The following GDPD4 variants were observed in gnomAD, a reference collection of about 807,000 sequenced individuals.
The protein encoded by GDPD4 is glycerophosphodiester phosphodiesterase 6.
Under a neutral mutation model 67.8 loss-of-function variants are expected in GDPD4, and 60 were observed. That is an observed-to-expected ratio of 0.88 (90% CI 0.72 to 1.10). GDPD4 has a LOEUF of 1.10. Ranked by LOEUF, GDPD4 falls within the 50% of genes least tolerant of loss-of-function variation. The pLI is 0.00. For synonymous variants in GDPD4, 212 were observed against 210.9 expected, an observed-to-expected ratio of 1.00 and a Z score of -0.04; for missense variants, 623 against 613.9, an observed-to-expected ratio of 1.01 and a Z score of -0.16.
intron 16 of GDPD4, among the ~76,000 whole-genome samples, chr11:77,219,345 C>A (rs566502719): frequency 6.6e-6 from 1 of 152,140 alleles, no homozygotes; most frequent in African/African-American, 2.4e-5. Flanking sequence ...CTGTTCACTC[C>A]GATGGCAGTT....
intron 9 of GDPD4, 109 bp from the exon 10 acceptor site, chr11:77,268,648 C>T (rs1959190490): frequency 6.8e-6 from 6 of 879,576 alleles, no homozygotes; most frequent in East Asian, 2.4e-5. Flanking sequence ...GAGCTTGGCT[C>T]CCTGAGATCT....
chr11:77,257,023 G>A (rs754357791), intron 11 of GDPD4, among the ~76,000 whole-genome samples: 28 of 152,172 alleles, frequency 1.8e-4, no homozygotes, highest in African/African-American at 4.6e-4. Context: ...ATGATCAAAC[G>A]GCCCTCAGGA....
rs189933223 is a variant in GDPD4 at position 77,298,726 on chromosome 11, T to A, written c.-254+2879A>T. 6.4e-4 allele frequency among the ~76,000 whole-genome samples: 97 copies of A among 152,214 alleles called. No individual in the cohort carries two copies. The East Asian group carries it at 0.018, about 29-fold the overall frequency. On this transcript the variant is annotated intron_variant, in intron 1 of 16. Coordinates refer to ENST00000315938, the MANE Select transcript of GDPD4 (RefSeq NM_182833.3). The stretch of plus-strand genomic sequence containing the variant: ...AGGGTCTGGAAGAAAAAGATCTAGC[T>A]ATGTTAACAGAGATTCTTTACAGAT...
At chr11:77,296,952 G>A (rs1937989050) in intron 1 of GDPD4, among the ~76,000 whole-genome samples, 2 of 151,270 alleles carry the variant, frequency 1.3e-5, no homozygotes. Flanking sequence ...TATTCGGGAG[G>A]CTGAGGCAGA....
chr11:77,245,338 G>A lies in GDPD4; in HGVS notation c.1029C>T (p.His343=). ...CGCTTACTACTTGGCGGACAAATGT[G>A]TGTCTGAGAGGATGTTTTGGTGGAG... ...HRPPPKHPLR[H]TFVRQVVSVI... Residue 343 remains histidine (H), a synonymous_variant, in exon 12 of 17, where the codon CAC becomes CAT. Transcript: ENST00000315938. The A allele has an allele frequency of 6.2e-7, 1 of 1,614,168 alleles. No homozygotes were observed. The highest frequency in any genetic ancestry group is 1.3e-5 in the African/African-American group (1 of 75,034).
rs910867191 is a variant in GDPD4, at chr11:77,300,493, G to A, written c.-254+1112C>T. ...TCACCTAGTCTCTAAGGGAGAAATG[G>A]ACAAATGCATAATCATGGTAGGAGA... On this transcript the variant is annotated intron_variant, in intron 1 of 16. Transcript: ENST00000315938. 7.9e-5 allele frequency among the ~76,000 whole-genome samples: 12 copies of A among 151,746 alleles called. No homozygotes were observed. The South Asian group carries it at 1.0e-3, about 13-fold the overall frequency.
chr11:77,230,923 T>C (rs1215714589), intron 14 of GDPD4, among the ~76,000 whole-genome samples: 1 of 152,164 alleles, frequency 6.6e-6, no homozygotes. Context: ...TGGGGCTTGC[T>C]CTCTCTTGCT....
At chr11:77,231,520 C>G (rs1277991292) in intron 14 of GDPD4, among the ~76,000 whole-genome samples, 1 of 152,100 alleles carries the variant, frequency 6.6e-6, no homozygotes, top group African/African-American at 2.4e-5. Flanking sequence ...GCATTGGGTC[C>G]TTTAAAAATG....
rs561728045 is a variant in GDPD4, at chr11:77,272,239, A to G, written c.208-846T>C. ...CTTTCAGAGAATAGAAAAAGAGAGA[A>G]TACTTTATAACATCTTAAGAGTGCA... On this transcript the variant is annotated intron_variant, in intron 5 of 16. Coordinates refer to ENST00000315938, the MANE Select transcript of GDPD4 (RefSeq NM_182833.3). 1.3e-4 allele frequency among the ~76,000 whole-genome samples: 20 copies of G among 152,376 alleles called. No homozygotes were observed. The East Asian group carries it at 1.7e-3, about 13-fold the overall frequency.
At chr11:77,232,899 A>G in intron 14 of GDPD4, 126 bp downstream of exon 14, 1 of 730,746 alleles carries the variant, frequency 1.4e-6, no homozygotes, top group Non-Finnish European at 2.2e-6. Flanking sequence ...CCACATCTCC[A>G]ATATTCATAG....
At chr11:77,234,832 G>C (rs1298228527) in intron 13 of GDPD4, among the ~76,000 whole-genome samples, 1 of 152,004 alleles carries the variant, frequency 6.6e-6, no homozygotes, top group Non-Finnish European at 1.5e-5. Context: ...CTTTTTAGTA[G>C]AACAATTTAT....
chr11:77,249,509 A>G (rs1238503618), intron 11 of GDPD4, among the ~76,000 whole-genome samples: 1 of 152,212 alleles, frequency 6.6e-6, no homozygotes, highest in African/African-American at 2.4e-5. Flanking sequence ...AGTTGAACAG[A>G]ATGAAAAATC....
chr11:77,267,428 C>A (rs1186495457), intron 10 of GDPD4, among the ~76,000 whole-genome samples: 3 of 152,206 alleles, frequency 2.0e-5, no homozygotes, highest in Non-Finnish European at 4.4e-5. Context: ...TATGTTTCCA[C>A]CAGGAACATA....
At chr11:77,279,148 T>A (rs1209443653) in intron 4 of GDPD4, among the ~76,000 whole-genome samples, 158 bp downstream of exon 4, 1 of 152,190 alleles carries the variant, frequency 6.6e-6, no homozygotes, top group Non-Finnish European at 1.5e-5. Context: ...TCCTTGTGCC[T>A]AAAATTCAAC....
intron 16 of GDPD4, among the ~76,000 whole-genome samples, chr11:77,226,666 T>G (rs1009871006): frequency 1.3e-5 from 2 of 150,636 alleles, no homozygotes; most frequent in South Asian, 4.1e-4. Context: ...ACTACTGATA[T>G]AATCATAAAC....
At chr11:77,247,039 CT>C (rs1958795895) in intron 11 of GDPD4, among the ~76,000 whole-genome samples, 6 of 152,094 alleles carry the variant, frequency 3.9e-5, no homozygotes, top group Admixed American at 3.9e-4. Flanking sequence ...TCTTTCATAC[CT>C]CTCCTATTTC....
intron 14 of GDPD4, among the ~76,000 whole-genome samples, chr11:77,229,799 A>G (rs912836217): frequency 6.6e-6 from 1 of 152,170 alleles, no homozygotes; most frequent in East Asian, 1.9e-4. Context: ...CTGAAGTACA[A>G]TTACCCCTTA....
chr11:77,254,567 G>A (rs1219648774), intron 11 of GDPD4, among the ~76,000 whole-genome samples: 1 of 152,132 alleles, frequency 6.6e-6, no homozygotes, highest in Non-Finnish European at 1.5e-5. Context: ...CATCCTGCCT[G>A]TTCCTTCATT....
intron 16 of GDPD4, among the ~76,000 whole-genome samples, chr11:77,226,425 C>T (rs141470198): frequency 1.1e-3 from 160 of 151,954 alleles, no homozygotes; most frequent in Admixed American, 3.3e-3. Context: ...AAGAGAGACC[C>T]GAGATCCCAC....
Sources: allele counts gnomAD v4.1 joint callset (sites outside exome capture counted in the v4.1 genomes callset), GRCh38; gene constraint gnomAD v4.1.1; transcripts MANE v1.5; gene names NCBI Gene and HGNC (gene_info 2026-07-23, HGNC 2026-07-21).